Variants in PCSK6 observed in about 807,000 individuals in gnomAD.
The protein encoded by PCSK6 is proprotein convertase subtilisin/kexin type 6, also known as paired basic amino acid cleaving enzyme 4.
A neutral mutation model predicts 123.3 loss-of-function variants in PCSK6; 85 were observed. The observed-to-expected ratio is 0.69, with a 90% confidence interval of 0.58 to 0.83. PCSK6 has a LOEUF of 0.83. PCSK6 is among the 40% of genes least tolerant of loss of function. PCSK6 has a pLI of 0.00. For missense variants in PCSK6, 1,191 were observed against 1,282.3 expected (o/e 0.93, Z 1.09); for synonymous variants, 508 against 516.0 (o/e 0.98, Z 0.21).
chr15:101,451,543 G>A (rs11637184), intron 1 of PCSK6, among the ~76,000 whole-genome samples: 2 of 151,682 alleles, frequency 1.3e-5, no homozygotes, highest in Non-Finnish European at 2.9e-5. Context: ...CTGCAGATGA[G>A]GCTTCTGACT....
chr15:101,474,608 T>C lies in PCSK6; in HGVS notation c.297+14766A>G, dbSNP rs1480547290. On this transcript the variant is annotated intron_variant, in intron 1 of 21. Coordinates refer to ENST00000611716, the MANE Select transcript of PCSK6 (RefSeq NM_002570.5). The stretch of plus-strand genomic sequence containing the variant: ...TCTGGAACTTCTATCTCTGCTTTTA[T>C]CCTTACTGAGCTGATTTTTCTCCCT... Among the ~76,000 whole-genome samples the C allele has an allele frequency of 6.6e-5, 10 of 152,298 alleles. No individual in the cohort carries two copies. In the South Asian group the frequency reaches 1.0e-3, roughly 16 times the overall value.
intron 6 of PCSK6, among the ~76,000 whole-genome samples, chr15:101,413,133 C>T (rs1287259122): frequency 6.6e-6 from 1 of 152,072 alleles, no homozygotes; most frequent in East Asian, 1.9e-4. Flanking sequence ...TACAGATTCA[C>T]CAAGTTTACT....
chr15:101,478,655 G>A (rs566012415), intron 1 of PCSK6, among the ~76,000 whole-genome samples: 12 of 152,232 alleles, frequency 7.9e-5, no homozygotes, highest in African/African-American at 2.4e-4. Flanking sequence ...CAGACTTGCC[G>A]GTTCTGCCTC....
At chr15:101,482,777 GTCCTGATTCTGAGTCTGC>G (rs66865351) in intron 1 of PCSK6, among the ~76,000 whole-genome samples, 28,671 of 151,972 alleles carry the variant, frequency 0.19, 2,750 homozygotes, top group Middle Eastern at 0.24. Context: ...CACCTGCTCA[GTCCTGATTCTGAGTCTGC>G]TCCTGATTCT....
At chr15:101,328,801 A>C (rs953827696) in intron 15 of PCSK6, among the ~76,000 whole-genome samples, 6 of 152,158 alleles carry the variant, frequency 3.9e-5, no homozygotes, top group African/African-American at 1.4e-4. Flanking sequence ...TCTGTAAACA[A>C]ACCTCCCCAG....
chr15:101,389,511 G>C lies in PCSK6; in HGVS notation c.1263C>G (p.Val421=). The C allele has an allele frequency of 7.4e-6, 12 of 1,613,632 alleles. No homozygotes were observed. Among genetic ancestry groups the C allele is most frequent in the East Asian group, 2.2e-5 (1 of 44,892 alleles). Residue 421 remains valine (V), a synonymous_variant, in exon 9 of 22, where the codon GTC becomes GTG. Coordinates refer to ENST00000611716, the MANE Select transcript of PCSK6 (RefSeq NM_002570.5). ...RCTDGHTGTS[V]SAPMVAGIIA... The stretch of plus-strand genomic sequence containing the variant: ...TGATGCCCGCCACCATGGGGGCAGA[G>C]ACTGAGGTCCCAGTGTGGCCATCGG...
At position 101,341,162 on chromosome 15, in the gene PCSK6, G is replaced by A. The variant is rs189049911; in HGVS notation, c.1859-9131C>T. Among the ~76,000 whole-genome samples the A allele has an allele frequency of 1.3e-3, 199 of 150,572 alleles. 3 individuals are homozygous for A. In the South Asian group the frequency reaches 0.021, roughly 16 times the overall value. On this transcript the variant is annotated intron_variant, in intron 13 of 21. Transcript: ENST00000611716. Reference sequence around the variant, plus strand: ...GTTGGCCAGGCTGGTCTTGAACTCCGAACCTCAGGTGATCCACCTGTCTCA... The same window carrying A: ...GTTGGCCAGGCTGGTCTTGAACTCCAAACCTCAGGTGATCCACCTGTCTCA...
chr15:101,363,248 C>T (rs2041287772), intron 13 of PCSK6, among the ~76,000 whole-genome samples: 1 of 152,214 alleles, frequency 6.6e-6, no homozygotes, highest in African/African-American at 2.4e-5. Flanking sequence ...TGCCCTGGGA[C>T]ATGGGTAGGG....
chr15:101,464,325 C>A (rs928761522), intron 1 of PCSK6, among the ~76,000 whole-genome samples: 1 of 152,100 alleles, frequency 6.6e-6, no homozygotes, highest in Non-Finnish European at 1.5e-5. Context: ...CCAAGCGGGA[C>A]GAAATGCAAG....
At chr15:101,386,522 C>T (rs1037370324) in intron 9 of PCSK6, among the ~76,000 whole-genome samples, 9 of 152,232 alleles carry the variant, frequency 5.9e-5, no homozygotes, top group Non-Finnish European at 1.3e-4. Context: ...CCCATCGCTC[C>T]TTCTGCAGCC....
intron 1 of PCSK6, among the ~76,000 whole-genome samples, chr15:101,474,898 T>C (rs899946184): frequency 1.3e-5 from 2 of 152,208 alleles, no homozygotes; most frequent in Non-Finnish European, 2.9e-5. Context: ...ACCCTGTAAG[T>C]AGCCTCTTCA....
At chr15:101,366,459 G>A (rs1472403097) in intron 12 of PCSK6, 127 bp from the exon 13 acceptor site, 1 of 936,404 alleles carries the variant, frequency 1.1e-6, no homozygotes, top group Non-Finnish European at 1.5e-6. Flanking sequence ...AGGGTAGCGG[G>A]GGTCTGGCCC....
intron 12 of PCSK6, among the ~76,000 whole-genome samples, chr15:101,370,122 T>A (rs1467757306): frequency 6.6e-6 from 1 of 152,234 alleles, no homozygotes. Flanking sequence ...CAGGACCTTT[T>A]GGAAGGCAAG....
intron 6 of PCSK6, among the ~76,000 whole-genome samples, chr15:101,403,110 T>C (rs2042644290): frequency 1.3e-5 from 2 of 152,072 alleles, no homozygotes; most frequent in Non-Finnish European, 2.9e-5. Context: ...GATGAGTTCA[T>C]GTCCTTTGTA....
chr15:101,444,166 G>A (rs2141155047), intron 1 of PCSK6, among the ~76,000 whole-genome samples: 1 of 152,326 alleles, frequency 6.6e-6, no homozygotes, highest in East Asian at 1.9e-4. Flanking sequence ...TCTGCTTGGG[G>A]ATTGTGAAAG....
chr15:101,449,538 T>G (rs2056979220), intron 1 of PCSK6, among the ~76,000 whole-genome samples: 1 of 152,188 alleles, frequency 6.6e-6, no homozygotes, highest in South Asian at 2.1e-4. Context: ...AGTTCTCACA[T>G]CCGAGTGAGC....
chr15:101,389,210 C>T (rs1368430739), intron 9 of PCSK6, among the ~76,000 whole-genome samples: 1 of 152,178 alleles, frequency 6.6e-6, no homozygotes, highest in Non-Finnish European at 1.5e-5. Flanking sequence ...TTTGAGCTGC[C>T]CAGTCCGTGG....
Position 101,305,950 on chromosome 15 carries a change from G to A in PCSK6, c.2813-595C>T, listed in dbSNP as rs1323513021. Among the ~76,000 whole-genome samples, 1 of 152,146 alleles carries A rather than the reference G, an allele frequency of 6.6e-6. No individual in the cohort carries two copies. The highest frequency in any genetic ancestry group is 1.5e-5 in the Non-Finnish European group (1 of 68,026). ...GATTCATGAGCAGGATGTGGGGGTGGTGTGGGAGGGATCTCAGGAGAACAC... is the reference window on the plus strand; with the variant it reads ...GATTCATGAGCAGGATGTGGGGGTGATGTGGGAGGGATCTCAGGAGAACAC... On this transcript the variant is annotated intron_variant, in intron 21 of 21. Coordinates refer to ENST00000611716, the MANE Select transcript of PCSK6 (RefSeq NM_002570.5). The surrounding 1 kb of genome is among the most constrained non-coding windows in gnomAD (Gnocchi z 4.8).
At chr15:101,464,721 C>G (rs2057416556) in intron 1 of PCSK6, among the ~76,000 whole-genome samples, 1 of 152,134 alleles carries the variant, frequency 6.6e-6, no homozygotes, top group African/African-American at 2.4e-5. Flanking sequence ...AGCCACCTGG[C>G]CTATACTCCC....
Sources: allele counts gnomAD v4.1 joint callset (sites outside exome capture counted in the v4.1 genomes callset), GRCh38; gene constraint gnomAD v4.1.1; non-coding constraint Gnocchi (gnomAD v3.1); transcripts MANE v1.5; gene names NCBI Gene and HGNC (gene_info 2026-07-23, HGNC 2026-07-21).